CADM1: variants seen among roughly 807,000 people sequenced by gnomAD.
The protein encoded by CADM1 is TSLC-1.
CADM1 carries 15 observed loss-of-function variants against 53.1 expected under a neutral mutation model. The ratio of observed to expected loss-of-function variants is 0.28; its 90% CI spans 0.19 to 0.44. CADM1 has a LOEUF of 0.44. Among genes scored for constraint, CADM1 ranks in the 20% least tolerant of loss-of-function variants. The probability of loss-of-function intolerance (pLI) is 1.00; values close to 1 mark genes in which losing one functional copy is unlikely to be tolerated. For missense variants in CADM1, 434 were observed against 611.3 expected (o/e 0.71, Z 3.06); for synonymous variants, 281 against 243.0 (o/e 1.16, Z -1.45).
At chr11:115,432,283 C>T (rs187233987) in intron 1 of CADM1, among the ~76,000 whole-genome samples, 112 of 152,150 alleles carry the variant, frequency 7.4e-4, no homozygotes, top group African/African-American at 2.5e-3. Flanking sequence ...CCATAAGGAG[C>T]ATGAGGGCCA....
chr11:115,365,818 A>G (rs1185592306), intron 1 of CADM1, among the ~76,000 whole-genome samples: 3 of 152,238 alleles, frequency 2.0e-5, no homozygotes, highest in African/African-American at 7.2e-5. Flanking sequence ...AAAGGCCCAC[A>G]TTGCTAATCT....
At chr11:115,192,541 G>C (rs1432959673) in intron 9 of CADM1, among the ~76,000 whole-genome samples, 1 of 152,104 alleles carries the variant, frequency 6.6e-6, no homozygotes, top group Non-Finnish European at 1.5e-5. Flanking sequence ...GTTATAAATA[G>C]GCAACATAAA....
chr11:115,318,460 G>A (rs1944733474), intron 1 of CADM1, among the ~76,000 whole-genome samples: 1 of 152,186 alleles, frequency 6.6e-6, no homozygotes, highest in African/African-American at 2.4e-5. Flanking sequence ...GAGTCATAAT[G>A]TCCTATTTGG....
chr11:115,413,641 G>GTTATTTTTTTTTTTTT (rs1215267771), intron 1 of CADM1, among the ~76,000 whole-genome samples: 2 of 94,264 alleles, frequency 2.1e-5, no homozygotes, highest in Non-Finnish European at 5.4e-5. Context: ...CTCCAGCTCA[G>GTTATTTTTTTTTTTTT]TTCTTTTTTT....
intron 1 of CADM1, among the ~76,000 whole-genome samples, chr11:115,368,762 A>G (rs2135117799): frequency 6.6e-6 from 1 of 152,244 alleles, no homozygotes; most frequent in East Asian, 1.9e-4. Flanking sequence ...AATAACTCCT[A>G]GTACAGTACT....
intron 5 of CADM1, among the ~76,000 whole-genome samples, chr11:115,220,117 G>A (rs1243469598): frequency 6.6e-6 from 1 of 152,108 alleles, no homozygotes; most frequent in African/African-American, 2.4e-5. Context: ...CATTAATTAA[G>A]AAGAAGCAGA....
chr11:115,424,168 A>G (rs191838433), intron 1 of CADM1, among the ~76,000 whole-genome samples: 100 of 152,338 alleles, frequency 6.6e-4, no homozygotes, highest in African/African-American at 2.2e-3. Context: ...CAATTCTTCA[A>G]GATAGCACAG....
intron 9 of CADM1, among the ~76,000 whole-genome samples, chr11:115,193,262 C>G (rs1436042569): frequency 6.6e-6 from 1 of 152,214 alleles, no homozygotes; most frequent in Non-Finnish European, 1.5e-5. Flanking sequence ...TTGAAACTTT[C>G]ATATCATCCA....
At chr11:115,211,469 C>T (rs1475284215) in intron 7 of CADM1, among the ~76,000 whole-genome samples, 1 of 128,016 alleles carries the variant, frequency 7.8e-6, no homozygotes, top group South Asian at 2.5e-4. Context: ...TACTATAATC[C>T]TATTTCTTTT....
chr11:115,234,971 T>C (rs942178408), intron 3 of CADM1, among the ~76,000 whole-genome samples: 4 of 148,748 alleles, frequency 2.7e-5, no homozygotes, highest in African/African-American at 9.8e-5. Context: ...GAGATCACCA[T>C]CCTGTGAAAT....
At chr11:115,287,750 C>T (rs976382422) in intron 1 of CADM1, among the ~76,000 whole-genome samples, 8 of 152,134 alleles carry the variant, frequency 5.3e-5, no homozygotes, top group Non-Finnish European at 1.0e-4. Context: ...TTAACCTAAC[C>T]ATTTTTTTGG....
intron 1 of CADM1, among the ~76,000 whole-genome samples, chr11:115,410,268 G>A (rs1321116939): frequency 2.0e-5 from 3 of 152,134 alleles, no homozygotes; most frequent in Admixed American, 6.5e-5. Flanking sequence ...GCTTCTCTCC[G>A]ATAACATCTA....
rs988849990 is a variant in CADM1 at position 115,353,363 on chromosome 11, T to C, written c.125-112943A>G. On this transcript the variant is annotated intron_variant, in intron 1 of 11. Coordinates refer to ENST00000331581, the MANE Select transcript of CADM1 (RefSeq NM_001301043.2). ...AGACATCACTAGCCACATGCAGCGA[T>C]TGAGAATTGCAATGTAGCAAGTGCA... Among the ~76,000 whole-genome samples, 13 of 152,334 alleles carry C rather than the reference T, an allele frequency of 8.5e-5. No individual in the cohort carries two copies. In the East Asian group the frequency reaches 1.3e-3, roughly 16 times the overall value.
intron 1 of CADM1, among the ~76,000 whole-genome samples, chr11:115,353,642 G>A (rs754281232): frequency 1.2e-4 from 19 of 152,170 alleles, no homozygotes; most frequent in Non-Finnish European, 2.2e-4. Flanking sequence ...AGAATACGCA[G>A]AGAAGTTGAA....
At chr11:115,241,354 A>C (rs1171342308) in intron 1 of CADM1, among the ~76,000 whole-genome samples, 1 of 152,232 alleles carries the variant, frequency 6.6e-6, no homozygotes, top group Non-Finnish European at 1.5e-5. Context: ...ATACAGAAGT[A>C]TATGTTGTCC....
chr11:115,411,659 ATTTT>A (rs562847675), intron 1 of CADM1, among the ~76,000 whole-genome samples: 5 of 151,306 alleles, frequency 3.3e-5, no homozygotes, highest in Non-Finnish European at 5.9e-5. Flanking sequence ...ATTCTATTTT[ATTTT>A]TTTTTATTAT....
intron 1 of CADM1, among the ~76,000 whole-genome samples, chr11:115,392,594 T>C (rs1326096303): frequency 1.3e-5 from 2 of 152,194 alleles, no homozygotes; most frequent in East Asian, 3.9e-4. Flanking sequence ...ACAACCTCGC[T>C]GACAGCAAAT....
intron 1 of CADM1, among the ~76,000 whole-genome samples, chr11:115,365,326 C>T (rs1016381339): frequency 1.3e-5 from 2 of 152,084 alleles, no homozygotes; most frequent in Non-Finnish European, 2.9e-5. Context: ...TTAAAAAATA[C>T]TAAAGCTGAT....
intron 1 of CADM1, among the ~76,000 whole-genome samples, chr11:115,294,775 C>T (rs1275665270): frequency 6.6e-6 from 1 of 152,192 alleles, no homozygotes; most frequent in African/African-American, 2.4e-5. Context: ...GTGCTCACGC[C>T]TGTAATCCCA....
Sources: allele counts gnomAD v4.1 joint callset (sites outside exome capture counted in the v4.1 genomes callset), GRCh38; gene constraint gnomAD v4.1.1; transcripts MANE v1.5; gene names NCBI Gene and HGNC (gene_info 2026-07-23, HGNC 2026-07-21).